TMEM165: variants seen among roughly 807,000 people sequenced by gnomAD.
TMEM165 encodes putative divalent cation/proton antiporter TMEM165.
TMEM165 carries 19 observed loss-of-function variants against 30.0 expected under a neutral mutation model. That is an observed-to-expected ratio of 0.63 (90% CI 0.44 to 0.93). TMEM165 has a LOEUF of 0.93. Among genes scored for constraint, TMEM165 ranks in the 40% least tolerant of loss-of-function variants. TMEM165 has a pLI of 0.00. For missense variants in TMEM165, 340 were observed against 417.0 expected, an observed-to-expected ratio of 0.82 and a Z score of 1.61; for synonymous variants, 168 against 162.9, an observed-to-expected ratio of 1.03 and a Z score of -0.24.
chr4:55,448,597 C>CGCGT (rs1560421201), intron 3 of TMEM165, among the ~76,000 whole-genome samples: 1 of 72,922 alleles, frequency 1.4e-5, no homozygotes, highest in Non-Finnish European at 2.5e-5. Context: ...CGCGCGCACG[C>CGCGT]GCGCGTGTGT....
At chr4:55,404,287 T>A (rs1721179998) in intron 1 of TMEM165, among the ~76,000 whole-genome samples, 1 of 152,016 alleles carries the variant, frequency 6.6e-6, no homozygotes, top group African/African-American at 2.4e-5. Context: ...AGTGCTGGGA[T>A]GACAGGCGTG....
At chr4:55,403,111 TTAG>T (rs2109526970) in intron 1 of TMEM165, 1 of 484,456 alleles carries the variant, frequency 2.1e-6, no homozygotes, top group East Asian at 8.2e-5. Flanking sequence ...CTTTTTTGAC[TTAG>T]TAGTGCCCAG....
intron 3 of TMEM165, chr4:55,435,044 C>T (rs1404954519): frequency 4.7e-5 from 15 of 321,640 alleles, no homozygotes; most frequent in Admixed American, 4.4e-4. Flanking sequence ...CTCTGTAACA[C>T]TTGATAAGAG....
intron 3 of TMEM165, chr4:55,449,461 G>A (rs1328418385): frequency 1.2e-6 from 2 of 1,613,994 alleles, no homozygotes; most frequent in Non-Finnish European, 1.7e-6. Flanking sequence ...TGCCTGGGTG[G>A]AGTGCTCGTA....
At chr4:55,420,660 C>G (rs1721937305) in intron 4 of TMEM165, among the ~76,000 whole-genome samples, 1 of 152,028 alleles carries the variant, frequency 6.6e-6, no homozygotes, top group Non-Finnish European at 1.5e-5. Flanking sequence ...TTCCTGTTCC[C>G]TTAGTATTCC....
chr4:55,440,650 CA>C (rs1723295914), intron 3 of TMEM165, among the ~76,000 whole-genome samples: 1 of 152,190 alleles, frequency 6.6e-6, no homozygotes, highest in Non-Finnish European at 1.5e-5. Flanking sequence ...GTAATATTTA[CA>C]AAGTACACTT....
intron 3 of TMEM165, among the ~76,000 whole-genome samples, chr4:55,436,963 C>G (rs1347978557): frequency 1.5e-5 from 2 of 136,894 alleles, no homozygotes; most frequent in African/African-American, 5.4e-5. Context: ...ACTTAGAAGA[C>G]TGAGATGTTA....
At chr4:55,438,518 G>A (rs1336193487) in intron 3 of TMEM165, 1 of 1,613,458 alleles carries the variant, frequency 6.2e-7, no homozygotes, top group African/African-American at 1.3e-5. Context: ...TTGGTCACAA[G>A]TTGTTGACCT....
chr4:55,437,738 C>G (rs1056263592), intron 3 of TMEM165, among the ~76,000 whole-genome samples: 3 of 152,184 alleles, frequency 2.0e-5, no homozygotes, highest in Admixed American at 1.3e-4. Flanking sequence ...AGCAGTGACT[C>G]AACCCCAAGG....
At chr4:55,444,414 A>G (rs1480140835) in intron 3 of TMEM165, among the ~76,000 whole-genome samples, 1 of 152,198 alleles carries the variant, frequency 6.6e-6, no homozygotes, top group Non-Finnish European at 1.5e-5. Context: ...AAAAAAGATG[A>G]CTGGAGAAAC....
At chr4:55,440,043 CCTTTTT>C (rs760782750) in intron 3 of TMEM165, among the ~76,000 whole-genome samples, 2 of 151,744 alleles carry the variant, frequency 1.3e-5, no homozygotes, top group South Asian at 2.1e-4. Flanking sequence ...TAAAAAAAAA[CCTTTTT>C]CTTTTTATAA....
rs115376314 is a variant in TMEM165 at position 55,448,332 on chromosome 4, C to G, written c.409-3907C>G. Among the ~76,000 whole-genome samples the G allele has an allele frequency of 6.5e-3, 994 of 152,230 alleles. 9 individuals are homozygous for G. Among genetic ancestry groups the G allele is most frequent in the African/African-American group, 0.023 (944 of 41,530 alleles). The stretch of plus-strand genomic sequence containing the variant: ...ATATTCATAGGAGGAACAAAATGAA[C>G]AGCTACATTTCATCCTTAATATCTT... On this transcript the variant is annotated intron_variant, in intron 3 of 3. Transcript: ENST00000608091.
At chr4:55,417,770 T>C in intron 3 of TMEM165, 33 bp from the exon 4 acceptor site, 1 of 1,520,038 alleles carries the variant, frequency 6.6e-7, no homozygotes, top group South Asian at 1.3e-5. Context: ...TTGCTTCCTG[T>C]GCTTACTTTC....
At chr4:55,444,832 T>C in intron 3 of TMEM165, 1 of 1,571,428 alleles carries the variant, frequency 6.4e-7, no homozygotes, top group Non-Finnish European at 8.7e-7. Context: ...TAGAATTACT[T>C]ACTCCTTATA....
Position 55,413,016 on chromosome 4 carries a change from A to G in TMEM165, c.433+1177A>G, listed in dbSNP as rs867691775. On this transcript the variant is annotated intron_variant, in intron 2 of 5. Coordinates refer to ENST00000381334, the MANE Select transcript of TMEM165 (RefSeq NM_018475.5). ...TTTTTTAGAGACTGAGTCTTGCTCT[A>G]TCACTCAGGCTGGAGTGCAGTGGCA... 5.3e-5 allele frequency among the ~76,000 whole-genome samples: 8 copies of G among 151,922 alleles called. No homozygotes were observed. The South Asian group carries it at 6.2e-4, about 12-fold the overall frequency.
At chr4:55,400,296 AATATTAT>A (rs1720924734) in intron 1 of TMEM165, among the ~76,000 whole-genome samples, 3 of 103,568 alleles carry the variant, frequency 2.9e-5, no homozygotes, top group East Asian at 4.5e-4. Context: ...TATTATATAT[AATATTAT>A]ATATAATATT....
At chr4:55,433,280 A>G (rs983894494) in intron 3 of TMEM165, 22 of 152,658 alleles carry the variant, frequency 1.4e-4, no homozygotes, top group African/African-American at 5.3e-4. Flanking sequence ...ATTTAGCTAG[A>G]AGAGCTCCTT....
intron 3 of TMEM165, chr4:55,417,583 T>C: frequency 1.7e-6 from 1 of 575,056 alleles, no homozygotes; most frequent in Non-Finnish European, 3.0e-6. Context: ...CAGTAAATAC[T>C]GTTTGGTTTG....
At chr4:55,405,023 G>A (rs531842469) in intron 1 of TMEM165, among the ~76,000 whole-genome samples, 3 of 152,246 alleles carry the variant, frequency 2.0e-5, no homozygotes, top group South Asian at 4.1e-4. Flanking sequence ...TGCCTGGCTC[G>A]AAATATCTAA....
Sources: allele counts gnomAD v4.1 joint callset (sites outside exome capture counted in the v4.1 genomes callset), GRCh38; gene constraint gnomAD v4.1.1; transcripts MANE v1.5; gene names NCBI Gene and HGNC (gene_info 2026-07-23, HGNC 2026-07-21).